CACNA1D: variants seen among roughly 807,000 people sequenced by gnomAD.
The protein encoded by CACNA1D is calcium voltage-gated channel subunit alpha1 D.
CACNA1D carries 55 observed loss-of-function variants against 257.1 expected under a neutral mutation model. The ratio of observed to expected loss-of-function variants is 0.21; its 90% CI spans 0.17 to 0.27. CACNA1D has a LOEUF of 0.27. CACNA1D is among the 10% of genes least tolerant of loss of function. The probability of loss-of-function intolerance (pLI) is 1.00; values close to 1 mark genes in which losing one functional copy is unlikely to be tolerated. For synonymous variants in CACNA1D, 980 were observed against 1,014.9 expected (o/e 0.97, Z 0.65); for missense variants, 1,876 against 2,784.0 (o/e 0.67, Z 7.34).
rs186780696 is a variant in CACNA1D, at chr3:53,561,394, C to T, written c.483+59674C>T. ...TTTCTCAAGGTCTTAGTCTCCATGC[C>T]TATAAAATAGGGGATTGGATCCCTA... On this transcript the variant is annotated intron_variant, in intron 3 of 47. Transcript: ENST00000350061. Among the ~76,000 whole-genome samples, 1,492 of 152,244 alleles carry T rather than the reference C, an allele frequency of 9.8e-3. 20 individuals are homozygous for T. Among genetic ancestry groups the T allele is most frequent in the Non-Finnish European group, 0.013 (903 of 68,026 alleles).
intron 3 of CACNA1D, among the ~76,000 whole-genome samples, chr3:53,616,957 C>T (rs1326366137): frequency 6.6e-6 from 1 of 152,056 alleles, no homozygotes; most frequent in African/African-American, 2.4e-5. Flanking sequence ...GAGTTTTGCA[C>T]GTAGTTGAGG....
intron 3 of CACNA1D, among the ~76,000 whole-genome samples, chr3:53,620,668 C>T (rs1246794486): frequency 6.6e-6 from 1 of 152,254 alleles, no homozygotes; most frequent in African/African-American, 2.4e-5. Flanking sequence ...GTGGGAACAT[C>T]TCTTCCAGTT....
intron 39 of CACNA1D, chr3:53,782,261 T>C (rs917640916): frequency 3.2e-5 from 2 of 62,622 alleles, no homozygotes; most frequent in Admixed American, 2.7e-4. Context: ...TGTGTGTGTG[T>C]GTGTATATAT....
intron 3 of CACNA1D, among the ~76,000 whole-genome samples, chr3:53,640,147 C>CCACT (rs2093934456): frequency 6.6e-6 from 1 of 152,132 alleles, no homozygotes; most frequent in Non-Finnish European, 1.5e-5. Flanking sequence ...CAGCCGTGAG[C>CCACT]CACTGTGCCC....
At chr3:53,776,145 A>G (rs1028784797) in intron 35 of CACNA1D, 100 bp downstream of exon 35, 6 of 1,089,138 alleles carry the variant, frequency 5.5e-6, no homozygotes, top group Non-Finnish European at 7.0e-6. Flanking sequence ...CCTGAGGACA[A>G]TTGATGTGGA....
intron 3 of CACNA1D, among the ~76,000 whole-genome samples, chr3:53,635,282 G>A (rs1428002631): frequency 6.6e-6 from 1 of 152,190 alleles, no homozygotes; most frequent in African/African-American, 2.4e-5. Flanking sequence ...GCAGTCTCGG[G>A]TGGGTACCCA....
chr3:53,717,231 C>T (rs886689716), intron 9 of CACNA1D, among the ~76,000 whole-genome samples: 15 of 152,220 alleles, frequency 9.9e-5, no homozygotes, highest in African/African-American at 2.9e-4. Flanking sequence ...CTCTGCACCC[C>T]GGCAGAATTA....
intron 3 of CACNA1D, among the ~76,000 whole-genome samples, chr3:53,604,390 A>C (rs2093481430): frequency 6.6e-6 from 1 of 152,220 alleles, no homozygotes; most frequent in Non-Finnish European, 1.5e-5. Context: ...TGCACTCTTC[A>C]GGAGAGAAGA....
Position 53,675,953 on chromosome 3 carries a change from T to G in CACNA1D, c.1220+2827T>G, listed in dbSNP as rs111608430. Among the ~76,000 whole-genome samples, 425 of 152,206 alleles carry G rather than the reference T, an allele frequency of 2.8e-3. 2 individuals carry two copies. Among genetic ancestry groups the G allele is most frequent in the African/African-American group, 9.7e-3 (404 of 41,532 alleles). The stretch of plus-strand genomic sequence containing the variant: ...CAGAAGGCCTCCGGTAGGGCTGGTT[T>G]GGGTAAAGGCAGAACCATGTCTGCA... On this transcript the variant is annotated intron_variant, in intron 8 of 47. Transcript: ENST00000350061.
chr3:53,598,669 C>T (rs2093402744), intron 3 of CACNA1D, among the ~76,000 whole-genome samples: 2 of 152,076 alleles, frequency 1.3e-5, no homozygotes, highest in Admixed American at 1.3e-4. Flanking sequence ...TTAGTTTCTG[C>T]TTACTGCTAC....
In CACNA1D at chr3:53,566,768, C is replaced by T. The variant is rs571974381; in HGVS notation, c.483+65048C>T. ...CCCCGAGAGCTCCTGCGGCAGCTTG[C>T]TTGCCTCTCTGTCGGAAACTTGCAC... is the stretch of plus-strand genomic sequence containing the variant. On this transcript the variant is annotated intron_variant, in intron 3 of 47. Transcript: ENST00000350061. Among the ~76,000 whole-genome samples, 31 of 152,348 alleles carry T rather than the reference C, an allele frequency of 2.0e-4. No homozygotes were observed. In the East Asian group the frequency reaches 5.8e-3, roughly 28 times the overall value.
intron 3 of CACNA1D, among the ~76,000 whole-genome samples, chr3:53,526,415 C>T (rs1168153652): frequency 1.3e-5 from 2 of 151,730 alleles, no homozygotes; most frequent in East Asian, 1.9e-4. Flanking sequence ...AGTATGAGTA[C>T]AGCATCTTGT....
At chr3:53,639,859 C>CTTTTTTTTT (rs34925431) in intron 3 of CACNA1D, among the ~76,000 whole-genome samples, 2 of 102,076 alleles carry the variant, frequency 2.0e-5, no homozygotes, top group Non-Finnish European at 1.9e-5. Flanking sequence ...TCATTTCTTA[C>CTTTTTTTTT]TTTTTTTTTT....
intron 3 of CACNA1D, among the ~76,000 whole-genome samples, chr3:53,612,264 T>A (rs1241271663): frequency 6.6e-6 from 1 of 152,226 alleles, no homozygotes; most frequent in African/African-American, 2.4e-5. Flanking sequence ...TAATTTTTGA[T>A]TGAATGCTGG....
intron 9 of CACNA1D, among the ~76,000 whole-genome samples, chr3:53,713,409 T>A (rs955625800): frequency 6.6e-6 from 1 of 152,074 alleles, no homozygotes; most frequent in Admixed American, 6.5e-5. Flanking sequence ...TCACTGAAGG[T>A]TGATCTGAGA....
In CACNA1D at chr3:53,731,083, G is replaced by C. The variant is rs2094987282; in HGVS notation, c.2343G>C (p.Glu781Asp). 6.2e-7 allele frequency: 1 copy of C among 1,600,528 alleles called. No homozygotes were observed. The highest frequency in any genetic ancestry group is 1.3e-5 in the African/African-American group (1 of 74,668). The change falls in exon 17 of 48, where the codon GAG (glutamate) becomes GAC (aspartate). Residue 781 changes from glutamate (E) to aspartate (D), a missense_variant. Glu to Asp is a conservative substitution (Grantham distance 45). Transcript: ENST00000350061. ...TCTTTTCTCTTCTCTTTAGAAAAGA[G>C]AGCCTAGAAAATAAAAAGAACAACA... ...EKERKKIARKESLENKKNNKP... is the reference protein window; with the variant it reads ...EKERKKIARKDSLENKKNNKP...
At position 53,751,701 on chromosome 3, in the gene CACNA1D, C is replaced by T. The variant is rs573562362; in HGVS notation, c.3517-48C>T. ...AGCAGATGACCACGGGGTCCTCCTTCCCTGCAAGTGCTCAGAACCCCGTTT... is the reference window on the plus strand; with the variant it reads ...AGCAGATGACCACGGGGTCCTCCTTTCCTGCAAGTGCTCAGAACCCCGTTT... On this transcript the variant is annotated intron_variant, in intron 27 of 47. Coordinates refer to ENST00000350061, the MANE Select transcript of CACNA1D (RefSeq NM_001128840.3). This position sits in a 1 kb window ranked among gnomAD's most constrained non-coding sequence, Gnocchi z 4.3. The T allele has an allele frequency of 5.6e-6, 9 of 1,606,202 alleles. No individual in the cohort carries two copies. In the South Asian group the frequency reaches 8.8e-5, roughly 16 times the overall value.
intron 3 of CACNA1D, among the ~76,000 whole-genome samples, chr3:53,509,077 A>C (rs924596714): frequency 1.3e-5 from 2 of 152,214 alleles, no homozygotes; most frequent in African/African-American, 4.8e-5. Flanking sequence ...GATGGAAATA[A>C]GGAGAGTGGT....
intron 8 of CACNA1D, among the ~76,000 whole-genome samples, chr3:53,688,873 T>C (rs2094495630): frequency 6.6e-6 from 1 of 152,176 alleles, no homozygotes; most frequent in Non-Finnish European, 1.5e-5. Flanking sequence ...GTCTGAAGGA[T>C]TTTAAGTCAG....
Sources: gnomAD v4.1 joint callset for allele counts (sites outside exome capture counted in the v4.1 genomes callset) on GRCh38, gnomAD v4.1.1 for gene constraint, Gnocchi (gnomAD v3.1) non-coding constraint, MANE v1.5 for transcripts, NCBI Gene and HGNC (gene_info 2026-07-23, HGNC 2026-07-21) for gene names.